Variants in MYH15 observed in about 807,000 individuals in gnomAD.
MYH15 encodes the protein myosin-15.
A neutral mutation model predicts 240.5 loss-of-function variants in MYH15; 227 were observed. The ratio of observed to expected loss-of-function variants is 0.94; its 90% confidence interval spans 0.85 to 1.05. MYH15 has a LOEUF of 1.05. MYH15 is among the 50% of genes least tolerant of loss of function. MYH15 has a pLI of 0.00. For synonymous variants in MYH15, 785 were observed against 796.7 expected (o/e 0.99, Z 0.25); for missense variants, 2,217 against 2,247.5 (o/e 0.99, Z 0.27).
intron 33 of MYH15, among the ~76,000 whole-genome samples, chr3:108,401,333 T>C (rs1010918149): frequency 5.9e-5 from 9 of 151,968 alleles, no homozygotes; most frequent in Non-Finnish European, 1.2e-4. Flanking sequence ...CAGGGATGCA[T>C]GTGCGCAGAG....
intron 1 of MYH15, among the ~76,000 whole-genome samples, chr3:108,506,203 A>C (rs2083474548): frequency 6.6e-6 from 1 of 152,076 alleles, no homozygotes; most frequent in Admixed American, 6.6e-5. Context: ...AAACTCATTC[A>C]GAAAAAGTCT....
rs80293068 is a variant in MYH15 at position 108,383,594 on chromosome 3, C to T, written c.5766+1G>A. 6.2e-7 allele frequency: 1 copy of T among 1,612,704 alleles called. No individual in the cohort carries two copies. The highest frequency in any genetic ancestry group is 1.1e-5 in the South Asian group (1 of 90,920). On this transcript the variant is annotated splice_donor_variant, in intron 40 of 40. Transcript: ENST00000693548. LOFTEE classifies it high-confidence loss of function. ...AGAACAGAGTTGAATATCTGCCATACCTTTTTCCCAAACTCTCTTGCTTTA... is the reference window on the plus strand; with the variant it reads ...AGAACAGAGTTGAATATCTGCCATATCTTTTTCCCAAACTCTCTTGCTTTA...
upstream of MYH15, among the ~76,000 whole-genome samples, chr3:108,513,408 G>A (rs1006272259): frequency 6.6e-6 from 1 of 152,190 alleles, no homozygotes; most frequent in Admixed American, 6.5e-5. Flanking sequence ...AAGGAGAATA[G>A]GAAAGGATAG....
intron 9 of MYH15, among the ~76,000 whole-genome samples, chr3:108,491,843 T>C (rs1159239176): frequency 6.6e-6 from 1 of 152,126 alleles, no homozygotes; most frequent in Non-Finnish European, 1.5e-5. Context: ...TTTCCCAACA[T>C]TGTGTACACT....
chr3:108,485,416 G>C (rs935011933), intron 10 of MYH15, among the ~76,000 whole-genome samples, 187 bp from the exon 11 acceptor site: 30 of 152,204 alleles, frequency 2.0e-4, no homozygotes, highest in Non-Finnish European at 4.4e-5. Flanking sequence ...CTTTAAAAGA[G>C]AATTAGGAAG....
chr3:108,535,954 C>T, the MYH15 span, among the ~76,000 whole-genome samples: 2 of 152,096 alleles, frequency 1.3e-5, no homozygotes, highest in African/African-American at 4.8e-5. Context: ...TGTTGCTGAA[C>T]AAATTGCATT....
chr3:108,542,307 A>G, the MYH15 span, among the ~76,000 whole-genome samples: 1,994 of 152,300 alleles, frequency 0.013, 44 homozygotes, highest in African/African-American at 0.046. Context: ...ACAGTTCTAT[A>G]TGAATTTTGA....
In MYH15 at chr3:108,481,789, T is replaced by C. The variant is rs558506082; in HGVS notation, c.1114+3302A>G. ...GGTTGGTGCAAACATAATTGCGGTT[T>C]TTGCTGTTAAAAGTAATGACAAAAA... On this transcript the variant is annotated intron_variant, in intron 11 of 40. Transcript: ENST00000693548. 1.9e-3 allele frequency among the ~76,000 whole-genome samples: 288 copies of C among 152,220 alleles called. 1 individual carries two copies. Among genetic ancestry groups the C allele is most frequent in the Non-Finnish European group, 3.6e-3 (247 of 68,006 alleles).
the MYH15 span, among the ~76,000 whole-genome samples, chr3:108,541,620 T>C: frequency 1.2e-3 from 190 of 152,250 alleles, 2 homozygotes; most frequent in South Asian, 7.9e-3. Flanking sequence ...TACAATGGAA[T>C]GAGGATGTGG....
the MYH15 span, among the ~76,000 whole-genome samples, chr3:108,535,452 A>T: frequency 5.3e-5 from 8 of 152,206 alleles, no homozygotes; most frequent in Non-Finnish European, 1.0e-4. Flanking sequence ...AATCCCATTT[A>T]TGAGGGCTCC....
chr3:108,409,740 T>C (rs1192685457), intron 31 of MYH15, among the ~76,000 whole-genome samples: 2 of 152,212 alleles, frequency 1.3e-5, no homozygotes, highest in Admixed American at 1.3e-4. Flanking sequence ...ATTTAAAAAT[T>C]CATTTCATTA....
the MYH15 span, among the ~76,000 whole-genome samples, chr3:108,537,974 CA>C: frequency 6.6e-6 from 1 of 152,144 alleles, no homozygotes; most frequent in South Asian, 2.1e-4. Context: ...TTCCCCTTGG[CA>C]AACACTTCAG....
At chr3:108,520,447 C>A (rs959856526) in intron 1 of MYH15, among the ~76,000 whole-genome samples, 2 of 152,124 alleles carry the variant, frequency 1.3e-5, no homozygotes, top group African/African-American at 4.8e-5. Flanking sequence ...AGACTTTATA[C>A]ACTCTTGTCA....
intron 1 of MYH15, among the ~76,000 whole-genome samples, chr3:108,527,854 T>G (rs1396405648): frequency 1.3e-5 from 2 of 152,236 alleles, no homozygotes; most frequent in Non-Finnish European, 2.9e-5. Flanking sequence ...TTAATCTGTT[T>G]TGTGCTGCTA....
intron 1 of MYH15, among the ~76,000 whole-genome samples, chr3:108,525,602 T>TAATG (rs1376431647): frequency 2.6e-5 from 4 of 152,142 alleles, no homozygotes; most frequent in African/African-American, 9.7e-5. Context: ...CTAGAAGGAT[T>TAATG]AATGCTACTG....
chr3:108,463,189 T>C lies in MYH15; in HGVS notation c.1786A>G (p.Thr596Ala). Residue 596 changes from threonine to alanine, a missense_variant, in exon 16 of 41, where the codon ACA (threonine) becomes GCA (alanine). Transcript: ENST00000693548. ...LEKNKDLLNE[T>A]VVAVFQKSSN... ...GACTTCTGAAATACAGCTACCACTGTTTCATTAAGGAGGTCTTTGTTCTTT... is the reference window on the plus strand; with the variant it reads ...GACTTCTGAAATACAGCTACCACTGCTTCATTAAGGAGGTCTTTGTTCTTT... 8 of 1,613,308 alleles carry C rather than the reference T, an allele frequency of 5.0e-6. No homozygotes were observed. Among genetic ancestry groups the C allele is most frequent in the Non-Finnish European group, 6.8e-6 (8 of 1,179,580 alleles).
chr3:108,457,595 C>A (rs1157756310), intron 18 of MYH15, among the ~76,000 whole-genome samples: 4 of 151,696 alleles, frequency 2.6e-5, no homozygotes, highest in African/African-American at 9.7e-5. Context: ...ACCACATCTC[C>A]TAACACAAAT....
At chr3:108,529,293 C>T in exon 1 of MYH15, 2 of 1,584,026 alleles carry the variant, frequency 1.3e-6, no homozygotes, top group Middle Eastern at 3.4e-4. Context: ...GAGGTAAATA[C>T]AATTAAAATG....
At chr3:108,506,444 C>T (rs567958325) in intron 1 of MYH15, among the ~76,000 whole-genome samples, 153 of 152,152 alleles carry the variant, frequency 1.0e-3, no homozygotes, top group African/African-American at 3.4e-3. Flanking sequence ...GTTCCTATAC[C>T]CCATCCCTAA....
Sources: allele counts gnomAD v4.1 joint callset (sites outside exome capture counted in the v4.1 genomes callset), GRCh38; gene constraint gnomAD v4.1.1; transcripts MANE v1.5; gene names NCBI Gene and HGNC (gene_info 2026-07-23, HGNC 2026-07-21).